COG5: variants seen among roughly 807,000 people sequenced by gnomAD.
COG5 encodes the protein conserved oligomeric Golgi complex subunit 5.
In COG5, 86 loss-of-function variants were observed where a neutral mutation model predicts 110.4. That is an observed-to-expected ratio of 0.78 (90% CI 0.65 to 0.93). The LOEUF (loss-of-function observed/expected upper bound fraction) is 0.93, where lower values mean the gene tolerates loss of function less well. COG5 is among the 40% of genes least tolerant of loss of function. COG5 has a pLI of 0.00. For missense variants in COG5, 1,077 were observed against 987.0 expected (o/e 1.09, Z -1.22); for synonymous variants, 360 against 334.6 (o/e 1.08, Z -0.83).
chr7:107,428,561 C>G (rs889134509), intron 6 of COG5, among the ~76,000 whole-genome samples: 9 of 152,214 alleles, frequency 5.9e-5, no homozygotes, highest in African/African-American at 2.2e-4. Flanking sequence ...GAGAGTATGG[C>G]TCTGTTAACA....
intron 6 of COG5, among the ~76,000 whole-genome samples, chr7:107,444,966 C>A (rs1794919601): frequency 6.6e-6 from 1 of 152,030 alleles, no homozygotes; most frequent in African/African-American, 2.4e-5. Flanking sequence ...GGCGGGGGAA[C>A]TGTTTGAACC....
At chr7:107,290,121 A>C (rs1036767144) in intron 12 of COG5, among the ~76,000 whole-genome samples, 7 of 152,216 alleles carry the variant, frequency 4.6e-5, no homozygotes, top group African/African-American at 1.7e-4. Flanking sequence ...CAAATGCATA[A>C]CTGACTGTTC....
At chr7:107,362,807 CCT>C (rs1414238555) in intron 8 of COG5, among the ~76,000 whole-genome samples, 8 of 146,908 alleles carry the variant, frequency 5.4e-5, no homozygotes, top group Non-Finnish European at 1.2e-4. Flanking sequence ...TGTTGTATCC[CCT>C]TTCTTAAAAA....
At chr7:107,339,448 G>C (rs897710340) in intron 10 of COG5, among the ~76,000 whole-genome samples, 5 of 151,980 alleles carry the variant, frequency 3.3e-5, no homozygotes, top group Non-Finnish European at 7.4e-5. Flanking sequence ...ACCCCACTGA[G>C]AGCATTCCAT....
chr7:107,263,272 T>C (rs1803520080), intron 14 of COG5, among the ~76,000 whole-genome samples: 1 of 152,218 alleles, frequency 6.6e-6, no homozygotes, highest in African/African-American at 2.4e-5. Context: ...CTAATTCATC[T>C]ACATGTTCAG....
intron 6 of COG5, among the ~76,000 whole-genome samples, chr7:107,415,373 G>A (rs939293889): frequency 6.6e-6 from 1 of 152,116 alleles, no homozygotes; most frequent in African/African-American, 2.4e-5. Context: ...CTCTGAGAAA[G>A]AGTAAATGAG....
chr7:107,311,370 A>ATTTTTTTTTT lies in COG5; in HGVS notation c.1109-13034_1109-13025dup, dbSNP rs71134260. Among the ~76,000 whole-genome samples the ATTTTTTTTTT allele has an allele frequency of 6.8e-4, 40 of 58,946 alleles. 3 individuals are homozygous for ATTTTTTTTTT. The highest frequency in any genetic ancestry group is 1.3e-3 in the East Asian group (2 of 1,578). The allele number at this position is 58,946 out of a possible 152,430, so 38.7% of individuals were successfully genotyped here. A position where few individuals can be genotyped will look rare whatever the true frequency, so the allele number is the denominator to read the frequency against. ...TATAAGTGATATCGAGCGTATTTAC[A>ATTTTTTTTTT]TTTTTTTTTTTTTTTTTTTTTTTTT... On this transcript the variant is annotated intron_variant, in intron 11 of 21. Coordinates refer to ENST00000297135, the MANE Select transcript of COG5 (RefSeq NM_006348.5).
chr7:107,227,511 G>C (rs1800434570), intron 19 of COG5, among the ~76,000 whole-genome samples: 1 of 152,122 alleles, frequency 6.6e-6, no homozygotes, highest in Non-Finnish European at 1.5e-5. Flanking sequence ...TGTTCCTTTA[G>C]AGATTCTTTC....
intron 12 of COG5, among the ~76,000 whole-genome samples, chr7:107,289,247 A>G (rs558394803): frequency 1.3e-5 from 2 of 152,152 alleles, no homozygotes; most frequent in South Asian, 4.1e-4. Context: ...CAGCTGTCCC[A>G]GCACCATTTG....
At chr7:107,454,425 A>C (rs1795535737) in intron 6 of COG5, among the ~76,000 whole-genome samples, 1 of 152,212 alleles carries the variant, frequency 6.6e-6, no homozygotes, top group Admixed American at 6.5e-5. Context: ...AAAAAATAAT[A>C]GAACAAATTG....
chr7:107,331,395 G>T (rs1810227965), intron 10 of COG5, among the ~76,000 whole-genome samples: 1 of 152,026 alleles, frequency 6.6e-6, no homozygotes, highest in Non-Finnish European at 1.5e-5. Context: ...GTGAACCCGG[G>T]AGGCGGAGCT....
intron 12 of COG5, among the ~76,000 whole-genome samples, chr7:107,286,449 A>G (rs1313691067): frequency 6.6e-6 from 1 of 152,084 alleles, no homozygotes; most frequent in Non-Finnish European, 1.5e-5. Flanking sequence ...TGATTTTTCC[A>G]ATTCACCTTC....
intron 7 of COG5, among the ~76,000 whole-genome samples, chr7:107,391,839 C>T (rs1400149575): frequency 6.6e-6 from 1 of 152,140 alleles, no homozygotes; most frequent in Non-Finnish European, 1.5e-5. Flanking sequence ...AGCCTGTAAT[C>T]GTAGCACTTT....
At chr7:107,288,548 G>A (rs1381151931) in intron 12 of COG5, among the ~76,000 whole-genome samples, 1 of 152,020 alleles carries the variant, frequency 6.6e-6, no homozygotes, top group African/African-American at 2.4e-5. Flanking sequence ...TTGTGGTTCT[G>A]ATTTGTATTT....
chr7:107,275,555 T>G (rs1157556386), intron 14 of COG5, among the ~76,000 whole-genome samples: 1 of 152,090 alleles, frequency 6.6e-6, no homozygotes, highest in Non-Finnish European at 1.5e-5. Context: ...AATAATACTT[T>G]TATTTATTTA....
At position 107,484,550 on chromosome 7, in the gene COG5, A is replaced by T. The variant is rs1797543474; in HGVS notation, c.538+42687T>A. On this transcript the variant is annotated intron_variant, in intron 6 of 21. Transcript: ENST00000297135. The stretch of plus-strand genomic sequence containing the variant: ...AGCAGTGACTCTCATGGGCCTTACC[A>T]TGTCTCTATGGGTCTTCTCAATGTT... 1.3e-5 allele frequency among the ~76,000 whole-genome samples: 2 copies of T among 152,134 alleles called. 1 individual carries two copies. Among genetic ancestry groups the T allele is most frequent in the South Asian group, 4.1e-4 (2 of 4,824 alleles).
intron 6 of COG5, among the ~76,000 whole-genome samples, chr7:107,519,010 A>G (rs1435744715): frequency 1.3e-5 from 2 of 152,216 alleles, no homozygotes; most frequent in Non-Finnish European, 2.9e-5. Flanking sequence ...TCAAAACCAA[A>G]TAACTACATG....
At chr7:107,290,208 A>G (rs1473007610) in intron 12 of COG5, among the ~76,000 whole-genome samples, 1 of 152,078 alleles carries the variant, frequency 6.6e-6, no homozygotes, top group African/African-American at 2.4e-5. Context: ...GTGACCACTT[A>G]TCTCACTACC....
At chr7:107,343,658 A>G (rs1402095408) in intron 10 of COG5, among the ~76,000 whole-genome samples, 6 of 152,166 alleles carry the variant, frequency 3.9e-5, no homozygotes, top group Admixed American at 3.9e-4. Context: ...TCCCACGTAG[A>G]AGACAGAGGG....
Sources: gnomAD v4.1 joint callset for allele counts (sites outside exome capture counted in the v4.1 genomes callset) on GRCh38, gnomAD v4.1.1 for gene constraint, MANE v1.5 for transcripts, NCBI Gene and HGNC (gene_info 2026-07-23, HGNC 2026-07-21) for gene names.